Variants in NXPE4 observed in about 807,000 individuals in gnomAD.
NXPE4 encodes neurexophilin and PC-esterase domain family member 4, also known as NXPE family member 4.
Under a neutral mutation model 33.3 loss-of-function variants are expected in NXPE4, and 42 were observed. The observed-to-expected ratio is 1.26, with a 90% CI of 0.98 to 1.63. The LOEUF (loss-of-function observed/expected upper bound fraction) is 1.63, where lower values mean the gene tolerates loss of function less well. NXPE4 is among the 40% of genes most tolerant of loss of function. The pLI, the probability that NXPE4 is intolerant of heterozygous loss-of-function variation, is 0.00. For missense variants in NXPE4, 709 were observed against 647.6 expected (o/e 1.09, Z -1.03); for synonymous variants, 253 against 234.9 (o/e 1.08, Z -0.71).
At chr11:114,632,393 A>G in the NXPE4 span, among the ~76,000 whole-genome samples, 1 of 133,428 alleles carries the variant, frequency 7.5e-6, no homozygotes, top group African/African-American at 2.7e-5. Context: ...TGATATAAAT[A>G]TAAATATACA....
the NXPE4 span, among the ~76,000 whole-genome samples, chr11:114,625,383 A>T: frequency 1.9e-3 from 283 of 152,208 alleles, 7 homozygotes; most frequent in East Asian, 0.048. Context: ...AACCACTGTT[A>T]CCCAGTGGAT....
chr11:114,606,010 T>G, the NXPE4 span, among the ~76,000 whole-genome samples: 8 of 151,902 alleles, frequency 5.3e-5, no homozygotes, highest in Non-Finnish European at 2.9e-5. Flanking sequence ...TATTGCCTCA[T>G]GGGTAACCAC....
the NXPE4 span, among the ~76,000 whole-genome samples, chr11:114,669,381 A>ATCCC: frequency 3.9e-5 from 6 of 152,068 alleles, no homozygotes; most frequent in Non-Finnish European, 8.8e-5. Flanking sequence ...TGGCAGGTGC[A>ATCCC]ATCAAGAAGA....
chr11:114,622,976 C>T, the NXPE4 span, among the ~76,000 whole-genome samples: 4 of 151,974 alleles, frequency 2.6e-5, no homozygotes, highest in African/African-American at 7.3e-5. Context: ...TGTATTGCCT[C>T]GTAGGAAACC....
At position 114,575,319 on chromosome 11, in the gene NXPE4, A is replaced by T. The variant is rs551499729; in HGVS notation, c.1100-3846T>A. Among the ~76,000 whole-genome samples the T allele has an allele frequency of 4.4e-4, 67 of 152,248 alleles. 1 individual carries two copies. The highest frequency in any genetic ancestry group is 3.4e-3 in the Middle Eastern group (1 of 294). On this transcript the variant is annotated intron_variant, in intron 5 of 5. Transcript: ENST00000375478. ...CCCATTCTCACCACCTATCTTCAACATAGTACTGGAAGTCCTAGCTAAAGC... is the reference window on the plus strand; with the variant it reads ...CCCATTCTCACCACCTATCTTCAACTTAGTACTGGAAGTCCTAGCTAAAGC...
the NXPE4 span, among the ~76,000 whole-genome samples, chr11:114,666,473 T>C: frequency 7.9e-5 from 12 of 152,116 alleles, no homozygotes; most frequent in Non-Finnish European, 1.8e-4. Flanking sequence ...CTCACATCAG[T>C]ATTGATTTGT....
the NXPE4 span, among the ~76,000 whole-genome samples, chr11:114,651,724 G>A: frequency 0.01 from 1,554 of 152,184 alleles, 12 homozygotes; most frequent in Non-Finnish European, 0.018. Flanking sequence ...CAAACCTTTA[G>A]TTACACACAG....
the NXPE4 span, among the ~76,000 whole-genome samples, chr11:114,660,618 C>T: frequency 2.6e-5 from 4 of 151,678 alleles, no homozygotes; most frequent in Admixed American, 6.6e-5. Flanking sequence ...TTTCTTAACT[C>T]GATAAAGGCA....
chr11:114,609,588 GATA>G, the NXPE4 span, among the ~76,000 whole-genome samples: 1 of 151,772 alleles, frequency 6.6e-6, no homozygotes, highest in Non-Finnish European at 1.5e-5. Flanking sequence ...TTACCATGTG[GATA>G]ATAAGTGTTG....
chr11:114,579,425 C>G (rs949676463), intron 5 of NXPE4, among the ~76,000 whole-genome samples: 1 of 152,100 alleles, frequency 6.6e-6, no homozygotes, highest in East Asian at 1.9e-4. Context: ...GTGAGAAACA[C>G]CAGGCAGGGA....
chr11:114,663,547 A>T, the NXPE4 span, among the ~76,000 whole-genome samples: 1 of 151,368 alleles, frequency 6.6e-6, no homozygotes, highest in Non-Finnish European at 1.5e-5. Flanking sequence ...AGGCCCCTTC[A>T]CCATCTCCTG....
At chr11:114,677,500 T>C in the NXPE4 span, among the ~76,000 whole-genome samples, 1 of 152,060 alleles carries the variant, frequency 6.6e-6, no homozygotes, top group Admixed American at 6.6e-5. Flanking sequence ...GAAGAACATG[T>C]CTTATAAGGA....
the NXPE4 span, among the ~76,000 whole-genome samples, chr11:114,630,311 G>A: frequency 6.6e-6 from 1 of 151,688 alleles, no homozygotes; most frequent in Non-Finnish European, 1.5e-5. Flanking sequence ...CATGGTACTG[G>A]TACCAAAATA....
the NXPE4 span, among the ~76,000 whole-genome samples, chr11:114,615,942 G>T: frequency 2.0e-5 from 3 of 150,276 alleles, no homozygotes; most frequent in African/African-American, 7.4e-5. Flanking sequence ...TCGACTTATG[G>T]GTAACCACTG....
rs1565329335 is a variant in NXPE4, at chr11:114,577,088, TATATATATAAAGTTATATATATACAC to T, written c.1099+3018_1099+3043del. On this transcript the variant is annotated intron_variant, in intron 5 of 5. Coordinates refer to ENST00000375478, the MANE Select transcript of NXPE4 (RefSeq NM_001077639.2). ...ATATATATAAAGTTATATATATACA[TATATATATAAAGTTATATATATACAC>T]ATATATATAAAGTTATATATATATA... Among the ~76,000 whole-genome samples the T allele has an allele frequency of 8.9e-5, 6 of 67,240 alleles. No individual in the cohort carries two copies. In the South Asian group the frequency reaches 1.6e-3, roughly 18 times the overall value. The allele number at this position is 67,240 out of a possible 152,430, so 44.1% of individuals were successfully genotyped here. A position where few individuals can be genotyped will look rare whatever the true frequency, so the allele number is the denominator to read the frequency against.
chr11:114,630,425 G>A, the NXPE4 span, among the ~76,000 whole-genome samples: 2 of 151,768 alleles, frequency 1.3e-5, no homozygotes, highest in Admixed American at 6.6e-5. Flanking sequence ...AATGGGGAAA[G>A]TATTCCCTAT....
At chr11:114,631,120 T>C in the NXPE4 span, among the ~76,000 whole-genome samples, 944 of 151,782 alleles carry the variant, frequency 6.2e-3, 5 homozygotes, top group African/African-American at 0.018. Context: ...GTGTGGCGAT[T>C]CTCAGGGATC....
the NXPE4 span, among the ~76,000 whole-genome samples, chr11:114,625,362 G>T: frequency 1.3e-5 from 2 of 152,126 alleles, no homozygotes; most frequent in African/African-American, 2.4e-5. Flanking sequence ...AATAAGTATT[G>T]CCTCTTGGGT....
At chr11:114,611,995 GATA>G in the NXPE4 span, among the ~76,000 whole-genome samples, 1 of 151,912 alleles carries the variant, frequency 6.6e-6, no homozygotes, top group Non-Finnish European at 1.5e-5. Context: ...TTACCCAGTG[GATA>G]ATAAGTCATG....
Sources: allele counts gnomAD v4.1 joint callset (sites outside exome capture counted in the v4.1 genomes callset), GRCh38; gene constraint gnomAD v4.1.1; transcripts MANE v1.5; gene names NCBI Gene and HGNC (gene_info 2026-07-23, HGNC 2026-07-21).